Variants in ADRA1B observed in about 807,000 individuals in gnomAD.
ADRA1B encodes the protein adrenoceptor alpha 1B.
A neutral mutation model predicts 17.9 loss-of-function variants in ADRA1B; 17 were observed. The observed-to-expected ratio is 0.95, with a 90% CI of 0.65 to 1.42. The LOEUF (loss-of-function observed/expected upper bound fraction) is 1.42, where lower values mean the gene tolerates loss of function less well. ADRA1B is among the 40% of genes most tolerant of loss of function. The pLI is 0.00. For missense variants in ADRA1B, 681 were observed against 722.1 expected, an observed-to-expected ratio of 0.94 and a Z score of 0.65; for synonymous variants, 366 against 327.6, an observed-to-expected ratio of 1.12 and a Z score of -1.27.
At chr5:159,944,255 A>G (rs760636773) in intron 1 of ADRA1B, among the ~76,000 whole-genome samples, 6 of 152,296 alleles carry the variant, frequency 3.9e-5, no homozygotes, top group Middle Eastern at 3.4e-3. Flanking sequence ...CGTGGCTATC[A>G]GCTTTCTCGC....
chr5:159,960,002 C>T (rs1735618611), intron 1 of ADRA1B, among the ~76,000 whole-genome samples: 1 of 152,168 alleles, frequency 6.6e-6, no homozygotes, highest in Admixed American at 6.5e-5. Context: ...ACACTCACAG[C>T]TTCCATTTCC....
intron 1 of ADRA1B, among the ~76,000 whole-genome samples, chr5:159,970,977 T>C (rs942184732): frequency 1.3e-5 from 2 of 152,122 alleles, no homozygotes; most frequent in Non-Finnish European, 2.9e-5. Flanking sequence ...GTTAATGCTT[T>C]CTTTTGTAGA....
At chr5:159,900,581 T>A (rs538027973) in intron 1 of ADRA1B, among the ~76,000 whole-genome samples, 18 of 152,254 alleles carry the variant, frequency 1.2e-4, no homozygotes, top group Non-Finnish European at 2.2e-4. Context: ...TACTACTAGA[T>A]CTGTCCAGTG....
intron 1 of ADRA1B, chr5:159,870,569 G>A (rs1753725368): frequency 6.6e-6 from 1 of 152,174 alleles, no homozygotes; most frequent in Admixed American, 6.5e-5. Context: ...ATAAACTCCT[G>A]TAAGTGAAGA....
chr5:159,887,757 C>G (rs1753941018), intron 1 of ADRA1B, among the ~76,000 whole-genome samples: 1 of 152,142 alleles, frequency 6.6e-6, no homozygotes, highest in African/African-American at 2.4e-5. Context: ...AAAAACATCC[C>G]ACATCCCATC....
chr5:159,987,990 C>T, the ADRA1B span, among the ~76,000 whole-genome samples: 1 of 152,092 alleles, frequency 6.6e-6, no homozygotes, highest in Non-Finnish European at 1.5e-5. Flanking sequence ...GAATGTTACC[C>T]GTTATGGCAA....
At chr5:159,929,322 T>TTA (rs1242160562) in intron 1 of ADRA1B, among the ~76,000 whole-genome samples, 1 of 152,308 alleles carries the variant, frequency 6.6e-6, no homozygotes. Flanking sequence ...AAATGTAATG[T>TTA]TATATCACAG....
At chr5:159,876,235 A>T (rs1047297164) in intron 1 of ADRA1B, among the ~76,000 whole-genome samples, 9 of 152,188 alleles carry the variant, frequency 5.9e-5, no homozygotes, top group African/African-American at 9.7e-5. Flanking sequence ...ACTTCATTTT[A>T]AAAAAGTCTA....
intron 1 of ADRA1B, among the ~76,000 whole-genome samples, chr5:159,896,634 G>A (rs1233031180): frequency 6.6e-6 from 1 of 152,214 alleles, no homozygotes; most frequent in Non-Finnish European, 1.5e-5. Flanking sequence ...TGAATTGCAT[G>A]TGAAGAGCAT....
intron 1 of ADRA1B, among the ~76,000 whole-genome samples, chr5:159,896,300 T>G (rs1325115265): frequency 6.6e-6 from 1 of 152,232 alleles, no homozygotes; most frequent in Non-Finnish European, 1.5e-5. Flanking sequence ...AGGAAGAAGT[T>G]ACTCAAGATC....
chr5:159,951,227 G>A (rs989003087), intron 1 of ADRA1B: 7 of 836,920 alleles, frequency 8.4e-6, no homozygotes, highest in East Asian at 4.8e-5. Context: ...CATATTCAGC[G>A]CCAGCATCGC....
chr5:159,908,305 C>T (rs1754187280), intron 1 of ADRA1B, among the ~76,000 whole-genome samples: 2 of 152,258 alleles, frequency 1.3e-5, no homozygotes, highest in South Asian at 2.1e-4. Flanking sequence ...TTGGAGCTAA[C>T]GGTATCAACC....
At chr5:159,953,176 G>T (rs1243889631) in intron 1 of ADRA1B, among the ~76,000 whole-genome samples, 1 of 152,000 alleles carries the variant, frequency 6.6e-6, no homozygotes, top group Non-Finnish European at 1.5e-5. Context: ...GCCTGGCCAA[G>T]ATGGCAAAAC....
At chr5:159,902,020 A>G (rs1754105689) in intron 1 of ADRA1B, among the ~76,000 whole-genome samples, 1 of 152,228 alleles carries the variant, frequency 6.6e-6, no homozygotes. Flanking sequence ...GGAATTGAAA[A>G]CAGTATCTCC....
intron 1 of ADRA1B, among the ~76,000 whole-genome samples, chr5:159,970,111 T>C (rs1755842778): frequency 6.6e-6 from 1 of 152,198 alleles, no homozygotes; most frequent in Admixed American, 6.5e-5. Flanking sequence ...GGATCTCACA[T>C]TCAGAGGGGT....
At chr5:159,904,140 C>A (rs945490865) in intron 1 of ADRA1B, among the ~76,000 whole-genome samples, 1 of 152,158 alleles carries the variant, frequency 6.6e-6, no homozygotes, top group Non-Finnish European at 1.5e-5. Context: ...TAAAAAGCTG[C>A]TTGCATTTGT....
At chr5:159,876,911 T>C (rs1350920304) in intron 1 of ADRA1B, among the ~76,000 whole-genome samples, 7 of 152,196 alleles carry the variant, frequency 4.6e-5, no homozygotes, top group Admixed American at 4.6e-4. Context: ...GGCGCTTGTG[T>C]TTCAGGTACT....
At chr5:159,881,482 C>T (rs1288718748) in intron 1 of ADRA1B, among the ~76,000 whole-genome samples, 2 of 152,154 alleles carry the variant, frequency 1.3e-5, no homozygotes, top group African/African-American at 4.8e-5. Flanking sequence ...GTCCCAAAGA[C>T]ATACCCCCTC....
intron 1 of ADRA1B, among the ~76,000 whole-genome samples, chr5:159,944,847 G>A (rs1755225042): frequency 6.6e-6 from 1 of 152,116 alleles, no homozygotes; most frequent in African/African-American, 2.4e-5. Flanking sequence ...TACTCTTCAA[G>A]GCACTGCAGA....
Sources: allele counts gnomAD v4.1 joint callset (sites outside exome capture counted in the v4.1 genomes callset), GRCh38; gene constraint gnomAD v4.1.1; transcripts MANE v1.5; gene names NCBI Gene and HGNC (gene_info 2026-07-23, HGNC 2026-07-21).